TEX101: variants seen among roughly 807,000 people sequenced by gnomAD.
The protein encoded by TEX101 is testis expressed 101, also known as testis-expressed protein 101.
Under a neutral mutation model 18.1 loss-of-function variants are expected in TEX101, and 10 were observed. The observed-to-expected ratio is 0.55, with a 90% CI of 0.34 to 0.94. The LOEUF (loss-of-function observed/expected upper bound fraction) is 0.94, where lower values mean the gene tolerates loss of function less well. Ranked by LOEUF, TEX101 falls within the 40% of genes least tolerant of loss-of-function variation. The pLI is 0.02. For missense variants in TEX101, 259 were observed against 298.9 expected (o/e 0.87, Z 0.98); for synonymous variants, 94 against 114.8 (o/e 0.82, Z 1.16).
chr19:43,411,643 C>CT (rs1404422977), upstream of TEX101, among the ~76,000 whole-genome samples: 11 of 151,322 alleles, frequency 7.3e-5, no homozygotes, highest in Non-Finnish European at 1.6e-4. Flanking sequence ...TCTTTTTTTT[C>CT]TTTTTTTTCT....
chr19:43,391,479 G>A, the TEX101 span, among the ~76,000 whole-genome samples: 3 of 139,200 alleles, frequency 2.2e-5, no homozygotes, highest in African/African-American at 8.1e-5. Context: ...CTGTAGTTGT[G>A]ATTTTTATTT....
chr19:43,415,545 T>C (rs1022663478), intron 1 of TEX101, among the ~76,000 whole-genome samples: 1 of 152,064 alleles, frequency 6.6e-6, no homozygotes, highest in Non-Finnish European at 1.5e-5. Flanking sequence ...GCAGATCACC[T>C]GAGATCAGGA....
At chr19:43,416,057 G>A (rs1970472708) in intron 2 of TEX101, 42 bp from the exon 3 acceptor site, 2 of 1,609,818 alleles carry the variant, frequency 1.2e-6, no homozygotes, top group Non-Finnish European at 1.7e-6. Flanking sequence ...AGCCGCCTTG[G>A]CCCATGGAGA....
In TEX101 at chr19:43,416,488, CTG is replaced by C. The variant is rs777727692; in HGVS notation, c.327_328del (p.Cys109Ter). The C allele has an allele frequency of 1.2e-6, 2 of 1,614,200 alleles. No individual in the cohort carries two copies. The highest frequency in any genetic ancestry group is 1.3e-5 in the African/African-American group (1 of 75,054). ...TGATCGTGACCTCCTACAGTAACTA[CTG>C]TGAGGATTCCTTCTGTAATGACAAA... Reference protein sequence around the residue: ...GLIVTSYSNYCEDSFCNDKDS... With the variant: ...GLIVTSYSNYXEDSFCNDKDS... On this transcript the variant is annotated frameshift_variant, in exon 4 of 6. Transcript: ENST00000598265. LOFTEE classifies it high-confidence loss of function.
At chr19:43,398,866 T>C (rs186237317), upstream of TEX101, among the ~76,000 whole-genome samples, 3 of 152,290 alleles carry the variant, frequency 2.0e-5, no homozygotes, top group African/African-American at 7.2e-5. Flanking sequence ...GATGACAGAT[T>C]GGCTATTTTT....
upstream of TEX101, among the ~76,000 whole-genome samples, chr19:43,411,638 T>G (rs1447946891): frequency 6.6e-6 from 1 of 151,760 alleles, no homozygotes; most frequent in Non-Finnish European, 1.5e-5. Context: ...CATTTTCTTT[T>G]TTTTCTTTTT....
At chr19:43,405,925 G>A (rs1385876308) in intron 2 of TEX101, among the ~76,000 whole-genome samples, 3 of 151,698 alleles carry the variant, frequency 2.0e-5, no homozygotes, top group African/African-American at 7.3e-5. Flanking sequence ...AAAAAAATAC[G>A]ATAAAATAAA....
At chr19:43,390,689 G>A in the TEX101 span, among the ~76,000 whole-genome samples, 3 of 151,148 alleles carry the variant, frequency 2.0e-5, no homozygotes, top group Middle Eastern at 3.2e-3. Context: ...GGATTGTCTC[G>A]ATCTCCTGAC....
chr19:43,401,641 G>A (rs1487664566), intron 1 of TEX101: 1 of 152,256 alleles, frequency 6.6e-6, no homozygotes, highest in Non-Finnish European at 1.5e-5. Flanking sequence ...CAGATCTGAG[G>A]TTGGGAGTTC....
chr19:43,418,439 C>T lies in TEX101; in HGVS notation c.*42C>T. 6.5e-7 allele frequency: 1 copy of T among 1,546,282 alleles called. No individual in the cohort carries two copies. The highest frequency in any genetic ancestry group is 8.8e-7 in the Non-Finnish European group (1 of 1,131,234). ...CTGGGTCTGAGGACATCTTTTTTGA[C>T]TGGGAGCCTTCTTACTGTTGAGGTT... is the stretch of plus-strand genomic sequence containing the variant. On this transcript the variant is annotated 3_prime_UTR_variant, in exon 6 of 6. Coordinates refer to ENST00000598265, the MANE Select transcript of TEX101 (RefSeq NM_001130011.3).
chr19:43,397,418 A>C (rs1387428502), upstream of TEX101, among the ~76,000 whole-genome samples: 1 of 151,594 alleles, frequency 6.6e-6, no homozygotes, highest in Non-Finnish European at 1.5e-5. Flanking sequence ...ACCATCCATG[A>C]CCTCTGATGC....
chr19:43,411,634 CTTTTT>C (rs1046978286), upstream of TEX101, among the ~76,000 whole-genome samples: 1 of 151,476 alleles, frequency 6.6e-6, no homozygotes, highest in East Asian at 1.9e-4. Flanking sequence ...TCCTCATTTT[CTTTTT>C]TTTCTTTTTT....
At chr19:43,404,292 G>T (rs1404291957) in intron 2 of TEX101, among the ~76,000 whole-genome samples, 1 of 152,060 alleles carries the variant, frequency 6.6e-6, no homozygotes, top group Non-Finnish European at 1.5e-5. Context: ...TTACTTCAGA[G>T]GAATGGGCAA....
the TEX101 span, among the ~76,000 whole-genome samples, chr19:43,394,412 C>T: frequency 6.6e-6 from 1 of 152,038 alleles, no homozygotes; most frequent in Non-Finnish European, 1.5e-5. Flanking sequence ...ATCACTTGGT[C>T]CTGTGAAGGT....
chr19:43,403,662 T>A lies in TEX101; in HGVS notation c.-283+803T>A, dbSNP rs577770465. Among the ~76,000 whole-genome samples, 341 of 145,468 alleles carry A rather than the reference T, an allele frequency of 2.3e-3. 1 individual carries two copies. Among genetic ancestry groups the A allele is most frequent in the Admixed American group, 8.6e-3 (125 of 14,492 alleles). On this transcript the variant is annotated intron_variant, in intron 2 of 7. Coordinates refer to the TEX101 transcript ENST00000602198. The stretch of plus-strand genomic sequence containing the variant: ...ATAAACTAAATGTTCTAATTGATTT[T>A]AAAAAAAAAAAGGAAAAAGAAAAAG...
chr19:43,390,450 C>CTTTTTT, the TEX101 span, among the ~76,000 whole-genome samples: 16 of 62,870 alleles, frequency 2.5e-4, no homozygotes, highest in African/African-American at 5.6e-4. Context: ...CTTTTCTTTT[C>CTTTTTT]TTTTTTTTTC....
the TEX101 span, among the ~76,000 whole-genome samples, chr19:43,392,492 A>T: frequency 7.2e-5 from 11 of 152,058 alleles, no homozygotes; most frequent in Admixed American, 3.3e-4. Flanking sequence ...CACTTACCTC[A>T]CCCTCATCCT....
In TEX101 at chr19:43,416,235, T is replaced by C. The variant is rs762145990; in HGVS notation, c.201T>C (p.Ile67=). Residue 67 remains isoleucine, a synonymous_variant, in exon 3 of 6, where the codon ATT becomes ATC. Transcript: ENST00000598265. ...TTTGCCAGGAAACCATACTAATAAT[T>C]AAAGCAGGTGAAATGAGATGGGGCA... The part of the protein sequence containing the change: ...GALCQETILI[I]KAGTETAILA... The C allele has an allele frequency of 1.2e-6, 2 of 1,606,840 alleles. No homozygotes were observed. The highest frequency in any genetic ancestry group is 1.3e-5 in the African/African-American group (1 of 74,678).
intron 3 of TEX101, among the ~76,000 whole-genome samples, chr19:43,406,853 G>A (rs1326996604): frequency 1.3e-5 from 2 of 152,050 alleles, no homozygotes; most frequent in African/African-American, 4.8e-5. Context: ...CAGAAAAGTC[G>A]TCACAGGGAT....
Sources: allele counts gnomAD v4.1 joint callset (sites outside exome capture counted in the v4.1 genomes callset), GRCh38; gene constraint gnomAD v4.1.1; transcripts MANE v1.5; gene names NCBI Gene and HGNC (gene_info 2026-07-23, HGNC 2026-07-21).